SGCZ: variants seen among roughly 807,000 people sequenced by gnomAD.
SGCZ encodes the protein zeta-sarcoglycan.
Under a neutral mutation model 41.3 loss-of-function variants are expected in SGCZ, and 40 were observed. That is an observed-to-expected ratio of 0.97 (90% confidence interval 0.75 to 1.26). SGCZ has a LOEUF of 1.26. Among genes scored for constraint, SGCZ ranks in the 50% most tolerant of loss-of-function variants. SGCZ has a pLI of 0.00. For missense variants in SGCZ, 552 were observed against 369.8 expected (o/e 1.49, Z -4.04); for synonymous variants, 206 against 137.5 (o/e 1.50, Z -3.49).
At chr8:15,086,357 T>A (rs1019306057) in intron 1 of SGCZ, among the ~76,000 whole-genome samples, 1 of 152,194 alleles carries the variant, frequency 6.6e-6, no homozygotes, top group Admixed American at 6.5e-5. Context: ...GCATACCTTA[T>A]TCCAATCAGC....
chr8:14,144,046 A>G (rs373866624), intron 5 of SGCZ, among the ~76,000 whole-genome samples: 53 of 151,988 alleles, frequency 3.5e-4, no homozygotes, highest in African/African-American at 1.2e-3. Flanking sequence ...CTTAAAAGGC[A>G]CTCTAGGCCA....
intron 1 of SGCZ, among the ~76,000 whole-genome samples, chr8:14,884,406 A>AATGAACT (rs1400939993): frequency 6.6e-6 from 1 of 152,136 alleles, no homozygotes; most frequent in African/African-American, 2.4e-5. Context: ...GTATAAGATA[A>AATGAACT]ATGAACTATT....
At chr8:14,187,119 G>C (rs923315908) in intron 4 of SGCZ, among the ~76,000 whole-genome samples, 1 of 152,168 alleles carries the variant, frequency 6.6e-6, no homozygotes, top group Non-Finnish European at 1.5e-5. Context: ...TGTACCCTCT[G>C]AGGAACTGTG....
chr8:14,759,882 T>A (rs751380263), intron 1 of SGCZ, among the ~76,000 whole-genome samples: 12 of 152,182 alleles, frequency 7.9e-5, no homozygotes, highest in Non-Finnish European at 1.5e-4. Flanking sequence ...GTGGCCCAGG[T>A]TCCAGGATCA....
intron 1 of SGCZ, among the ~76,000 whole-genome samples, chr8:14,970,454 G>C (rs1801254596): frequency 6.6e-6 from 1 of 151,930 alleles, no homozygotes; most frequent in Non-Finnish European, 1.5e-5. Flanking sequence ...TATAATTTTA[G>C]ACTTCATATT....
intron 4 of SGCZ, among the ~76,000 whole-genome samples, chr8:14,228,136 T>C (rs1410472834): frequency 1.3e-5 from 2 of 152,096 alleles, no homozygotes; most frequent in African/African-American, 2.4e-5. Context: ...GTGAACATTA[T>C]GCCCCATTAA....
intron 5 of SGCZ, among the ~76,000 whole-genome samples, chr8:14,155,657 G>C (rs1359348778): frequency 1.3e-5 from 2 of 150,930 alleles, no homozygotes; most frequent in African/African-American, 4.9e-5. Context: ...TGGATTCAAA[G>C]ATTTTTATTT....
In SGCZ at chr8:15,102,453, A is replaced by G. The variant is rs552102359; in HGVS notation, c.39+135132T>C. On this transcript the variant is annotated intron_variant, in intron 1 of 7. Transcript: ENST00000382080. ...GATACTGTAATAATGAATAAATGAC[A>G]TTATGCATTTGTCAAAACCCATTGA... 2.0e-5 allele frequency among the ~76,000 whole-genome samples: 3 copies of G among 152,332 alleles called. No homozygotes were observed. In the East Asian group the frequency reaches 5.8e-4, roughly 29 times the overall value.
At chr8:14,201,351 C>T (rs1469316978) in intron 4 of SGCZ, among the ~76,000 whole-genome samples, 1 of 152,050 alleles carries the variant, frequency 6.6e-6, no homozygotes, top group South Asian at 2.1e-4. Context: ...TATCAAGAAT[C>T]ACCAAAAAAG....
At chr8:14,268,818 T>C (rs1799963213) in intron 3 of SGCZ, among the ~76,000 whole-genome samples, 1 of 151,988 alleles carries the variant, frequency 6.6e-6, no homozygotes, top group Non-Finnish European at 1.5e-5. Flanking sequence ...ATATAAAACA[T>C]CCTCATCTGA....
chr8:14,727,312 T>C (rs1251761788), intron 1 of SGCZ, among the ~76,000 whole-genome samples: 1 of 152,154 alleles, frequency 6.6e-6, no homozygotes, highest in Non-Finnish European at 1.5e-5. Flanking sequence ...TTTAGAAGTT[T>C]AGACAGTTTC....
chr8:15,094,754 GTT>G (rs1222731465), intron 1 of SGCZ, among the ~76,000 whole-genome samples: 1 of 152,118 alleles, frequency 6.6e-6, no homozygotes, highest in Non-Finnish European at 1.5e-5. Context: ...CCCCCATACT[GTT>G]CTCTTGATAG....
chr8:14,673,885 G>C (rs1289269117), intron 1 of SGCZ, among the ~76,000 whole-genome samples: 1 of 152,074 alleles, frequency 6.6e-6, no homozygotes, highest in African/African-American at 2.4e-5. Flanking sequence ...TATGATCTGT[G>C]ATATACACAA....
chr8:14,673,789 G>T (rs954793708), intron 1 of SGCZ, among the ~76,000 whole-genome samples: 1 of 152,114 alleles, frequency 6.6e-6, no homozygotes, highest in African/African-American at 2.4e-5. Context: ...ACAATCTGAT[G>T]CCCGATGTAG....
intron 1 of SGCZ, among the ~76,000 whole-genome samples, chr8:14,803,485 C>A (rs903331493): frequency 3.9e-5 from 6 of 152,076 alleles, no homozygotes; most frequent in Admixed American, 2.0e-4. Context: ...CCTGGAAAAT[C>A]GGGTCACTCC....
At chr8:14,135,482 T>G (rs1040652077) in intron 5 of SGCZ, among the ~76,000 whole-genome samples, 2 of 152,084 alleles carry the variant, frequency 1.3e-5, no homozygotes, top group Non-Finnish European at 2.9e-5. Flanking sequence ...CCCAGATGAG[T>G]GAATGACTAT....
chr8:14,655,614 C>T (rs1000365739), intron 1 of SGCZ, among the ~76,000 whole-genome samples: 3 of 152,080 alleles, frequency 2.0e-5, no homozygotes, highest in Middle Eastern at 3.4e-3. Flanking sequence ...TATAGAGACA[C>T]CTTTAATTCT....
chr8:14,723,296 T>C (rs1280486947), intron 1 of SGCZ, among the ~76,000 whole-genome samples: 1 of 152,202 alleles, frequency 6.6e-6, no homozygotes, highest in African/African-American at 2.4e-5. Context: ...CTGTGTAGGA[T>C]GCCTGAACAC....
At chr8:14,772,460 G>A (rs1016688968) in intron 1 of SGCZ, among the ~76,000 whole-genome samples, 25 of 150,834 alleles carry the variant, frequency 1.7e-4, no homozygotes, top group African/African-American at 5.6e-4. Flanking sequence ...TAAGTTTTAG[G>A]GTACATGTGC....
Sources: gnomAD v4.1 joint callset for allele counts (sites outside exome capture counted in the v4.1 genomes callset) on GRCh38, gnomAD v4.1.1 for gene constraint, MANE v1.5 for transcripts, NCBI Gene and HGNC (gene_info 2026-07-23, HGNC 2026-07-21) for gene names.